Variants in ZNF185 observed in about 807,000 individuals in gnomAD.
ZNF185 encodes zinc finger protein 185 with LIM domain.
ZNF185 carries 56 observed loss-of-function variants against 58.6 expected under a neutral mutation model. That is an observed-to-expected ratio of 0.95 (90% CI 0.77 to 1.19). The LOEUF is 1.19. ZNF185 is among the 50% of genes most tolerant of loss of function. ZNF185 has a pLI of 0.00. For synonymous variants in ZNF185, 230 were observed against 215.9 expected (o/e 1.07, Z -0.57); for missense variants, 627 against 573.5 (o/e 1.09, Z -0.95).
chrX:152,907,780 C>T, the ZNF185 span, among the ~76,000 whole-genome samples: 3 of 112,755 alleles, frequency 2.7e-5, no homozygotes, highest in East Asian at 8.4e-4. Flanking sequence ...CGGGGGTGCA[C>T]CACGAGGGAC....
exon 11 of ZNF185, chrX:152,922,722 C>T (rs782355209): frequency 1.7e-6 from 2 of 1,197,282 alleles, no homozygotes; most frequent in South Asian, 1.8e-5. Flanking sequence ...TTTGCCAGTG[C>T]GGATGGAGGC....
chrX:152,911,946 C>A (rs1422391332), upstream of ZNF185, among the ~76,000 whole-genome samples: 1 of 97,908 alleles, frequency 1.0e-5, no homozygotes, highest in Non-Finnish European at 2.1e-5. Context: ...CCCATCCATC[C>A]CATCCCATCC....
chrX:152,914,548 C>T, intron 1 of ZNF185, 25 bp downstream of exon 2: 2 of 1,166,799 alleles, frequency 1.7e-6, no homozygotes, highest in Non-Finnish European at 2.3e-6. Flanking sequence ...CCCTGGTTTC[C>T]CAGGCTCTGT....
At chrX:152,938,450 A>G (rs2046623626) in intron 15 of ZNF185, among the ~76,000 whole-genome samples, 1 of 112,338 alleles carries the variant, frequency 8.9e-6, no homozygotes, top group Non-Finnish European at 1.9e-5. Context: ...GAGCATGCAG[A>G]CAAATCAGAA....
intron 7 of ZNF185, 31 bp from the exon 9 acceptor site, chrX:152,920,297 T>A (rs1188050531): frequency 8.4e-7 from 1 of 1,196,972 alleles, no homozygotes; most frequent in Non-Finnish European, 1.1e-6. Flanking sequence ...TTGGCACCCA[T>A]CAGATGCTCC....
At chrX:152,960,286 C>T (rs1385044607) in intron 17 of ZNF185, among the ~76,000 whole-genome samples, 7 of 112,245 alleles carry the variant, frequency 6.2e-5, no homozygotes, top group African/African-American at 9.7e-5. Flanking sequence ...AACAACTGTA[C>T]CAGTTGGATG....
At chrX:152,963,239 G>T (rs1187069852) in intron 17 of ZNF185, among the ~76,000 whole-genome samples, 5 of 113,108 alleles carry the variant, frequency 4.4e-5, no homozygotes, top group African/African-American at 1.6e-4. Context: ...CTTTTGGGCT[G>T]CCGAGGAGGT....
chrX:152,914,971 A>G, intron 2 of ZNF185, 138 bp downstream of exon 3: 11 of 1,006,849 alleles, frequency 1.1e-5, no homozygotes, highest in Non-Finnish European at 1.5e-5. Flanking sequence ...AGCGTGGGAA[A>G]GGCTATCCAG....
intron 6 of ZNF185, 152 bp downstream of exon 7, chrX:152,918,306 T>C: frequency 1.6e-6 from 1 of 641,107 alleles, no homozygotes; most frequent in Non-Finnish European, 2.5e-6. Context: ...AGCTGTGGCC[T>C]GGAGCCCACC....
chrX:152,964,499 G>A (rs1289201408), intron 18 of ZNF185, among the ~76,000 whole-genome samples: 4 of 111,877 alleles, frequency 3.6e-5, no homozygotes, highest in Admixed American at 1.9e-4. Flanking sequence ...GGGAGGGCCC[G>A]GACTTTGAAA....
chrX:152,922,599 T>C (rs1255665645), intron 10 of ZNF185, 121 bp from the exon 12 acceptor site: 9 of 680,420 alleles, frequency 1.3e-5, no homozygotes, highest in Non-Finnish European at 2.0e-5. Context: ...CCAGCCACCA[T>C]GGCAGTAGCA....
chrX:152,949,391 G>A (rs191019260), intron 16 of ZNF185, among the ~76,000 whole-genome samples: 1 of 112,500 alleles, frequency 8.9e-6, no homozygotes, highest in Admixed American at 9.4e-5. Context: ...TCTAAATCCT[G>A]TAGCATGCTG....
At chrX:152,969,063 C>T (rs782376279) in intron 20 of ZNF185, among the ~76,000 whole-genome samples, 132 of 111,966 alleles carry the variant, frequency 1.2e-3, no homozygotes, top group Middle Eastern at 9.2e-3. Context: ...GTAGCAGGCC[C>T]CAGCGGATAA....
the ZNF185 span, among the ~76,000 whole-genome samples, chrX:152,903,186 C>T: frequency 9.2e-6 from 1 of 108,686 alleles, no homozygotes; most frequent in African/African-American, 3.4e-5. Flanking sequence ...GTCAGGAGTT[C>T]GAGACCAGCC....
Position 152,922,705 on chromosome X carries a change from C to G in ZNF185, c.741-15C>G. Reference sequence around the variant, plus strand: ...TGACATCTCCAGAGCCTCTCACAGCCACCTTCTTTGCCAGTGCGGATGGAG... The same window carrying G: ...TGACATCTCCAGAGCCTCTCACAGCGACCTTCTTTGCCAGTGCGGATGGAG... On this transcript the variant is annotated splice_polypyrimidine_tract_variant and intron_variant, in intron 10 of 22. Transcript: ENST00000449285. 8.4e-7 allele frequency: 1 copy of G among 1,190,406 alleles called. No individual in the cohort carries two copies. Among genetic ancestry groups the G allele is most frequent in the Non-Finnish European group, 1.1e-6 (1 of 883,948 alleles).
At chrX:152,965,119 C>T (rs782313832) in intron 18 of ZNF185, among the ~76,000 whole-genome samples, 52 of 111,930 alleles carry the variant, frequency 4.6e-4, no homozygotes, top group Non-Finnish European at 8.7e-4. Flanking sequence ...GTGGAAAGCC[C>T]ACAGGACTGA....
At chrX:152,966,962 C>G (rs985534588) in intron 19 of ZNF185, among the ~76,000 whole-genome samples, 1 of 111,092 alleles carries the variant, frequency 9.0e-6, no homozygotes, top group Non-Finnish European at 1.9e-5. Context: ...CTCAGGAATC[C>G]TAGCCACCCA....
At chrX:152,904,577 C>T in the ZNF185 span, among the ~76,000 whole-genome samples, 3 of 112,532 alleles carry the variant, frequency 2.7e-5, no homozygotes, top group Admixed American at 1.9e-4. Flanking sequence ...AATCAGCACC[C>T]GCACCGGCTT....
chrX:152,936,044 A>G (rs1358995882), intron 14 of ZNF185, among the ~76,000 whole-genome samples: 1 of 112,765 alleles, frequency 8.9e-6, no homozygotes, highest in African/African-American at 3.2e-5. Flanking sequence ...GTTATGGCCC[A>G]GGCATTATTC....
Sources: allele counts gnomAD v4.1 joint callset (sites outside exome capture counted in the v4.1 genomes callset), GRCh38; gene constraint gnomAD v4.1.1; transcripts MANE v1.5; gene names NCBI Gene and HGNC (gene_info 2026-07-23, HGNC 2026-07-21).